DPP10: variants seen among roughly 807,000 people sequenced by gnomAD.
The protein encoded by DPP10 is inactive dipeptidyl peptidase 10.
DPP10 carries 33 observed loss-of-function variants against 120.9 expected under a neutral mutation model. The observed-to-expected ratio is 0.27, with a 90% CI of 0.21 to 0.37. The LOEUF is 0.37. Ranked by LOEUF, DPP10 falls within the 10% of genes least tolerant of loss-of-function variation. The pLI, the probability that DPP10 is intolerant of heterozygous loss-of-function variation, is 1.00. For synonymous variants in DPP10, 337 were observed against 326.1 expected (o/e 1.03, Z -0.36); for missense variants, 816 against 942.8 (o/e 0.87, Z 1.76).
intron 1 of DPP10, among the ~76,000 whole-genome samples, chr2:114,692,438 G>A (rs1245440306): frequency 1.3e-5 from 2 of 152,024 alleles, no homozygotes; most frequent in African/African-American, 4.8e-5. Context: ...TTGTGCTGCT[G>A]TCTAAGAGAC....
intron 1 of DPP10, among the ~76,000 whole-genome samples, chr2:115,087,021 C>G (rs911198624): frequency 6.6e-6 from 1 of 152,200 alleles, no homozygotes; most frequent in African/African-American, 2.4e-5. Context: ...GTGATATTTT[C>G]TAATTCCATG....
chr2:115,156,042 A>G (rs1282330511), intron 1 of DPP10, among the ~76,000 whole-genome samples: 2 of 152,232 alleles, frequency 1.3e-5, no homozygotes, highest in African/African-American at 4.8e-5. Context: ...CCAAAAAGAT[A>G]CAGATGTGTG....
chr2:114,780,630 A>C (rs979970843), intron 1 of DPP10, among the ~76,000 whole-genome samples: 4 of 152,098 alleles, frequency 2.6e-5, no homozygotes, highest in African/African-American at 7.2e-5. Context: ...ATGTAGATAC[A>C]ACATTCCTCA....
intron 2 of DPP10, among the ~76,000 whole-genome samples, chr2:115,314,251 C>T (rs148055887): frequency 4.6e-5 from 7 of 152,310 alleles, no homozygotes; most frequent in Middle Eastern, 3.4e-3. Context: ...ACTGTGTATA[C>T]TCCACAGTTC....
At chr2:114,572,136 A>G (rs1015347446) in intron 1 of DPP10, among the ~76,000 whole-genome samples, 18 of 151,992 alleles carry the variant, frequency 1.2e-4, no homozygotes, top group African/African-American at 3.4e-4. Flanking sequence ...GGAAGAAAAT[A>G]AACATCATGA....
Position 115,092,605 on chromosome 2 carries a change from G to T in DPP10, c.61-216634G>T, listed in dbSNP as rs573812892. Among the ~76,000 whole-genome samples the T allele has an allele frequency of 9.2e-4, 139 of 151,776 alleles. 1 individual carries two copies. The highest frequency in any genetic ancestry group is 3.2e-3 in the African/African-American group (133 of 41,396). ...TTCAATATATATATATGAAAAGAGGGGACAAGATAAAATAAAAAAAGTAAC... is the reference window on the plus strand; with the variant it reads ...TTCAATATATATATATGAAAAGAGGTGACAAGATAAAATAAAAAAAGTAAC... On this transcript the variant is annotated intron_variant, in intron 1 of 25. Coordinates refer to ENST00000410059, the MANE Select transcript of DPP10 (RefSeq NM_020868.6).
intron 12 of DPP10, among the ~76,000 whole-genome samples, chr2:115,765,405 A>G (rs1680593419): frequency 6.6e-6 from 1 of 152,164 alleles, no homozygotes; most frequent in Admixed American, 6.6e-5. Context: ...ATATTCATCT[A>G]TTCACCAATT....
intron 21 of DPP10, among the ~76,000 whole-genome samples, chr2:115,835,166 A>G (rs1456019593): frequency 6.6e-6 from 1 of 151,970 alleles, no homozygotes; most frequent in Non-Finnish European, 1.5e-5. Flanking sequence ...AAACAAACAG[A>G]AGCTTAATAA....
In DPP10 at chr2:115,117,676, T is replaced by C. The variant is rs192901340; in HGVS notation, c.61-191563T>C. 1.1e-4 allele frequency among the ~76,000 whole-genome samples: 17 copies of C among 152,344 alleles called. 1 individual carries two copies. In the East Asian group the frequency reaches 2.3e-3, roughly 21 times the overall value. On this transcript the variant is annotated intron_variant, in intron 1 of 25. Transcript: ENST00000410059. Reference sequence around the variant, plus strand: ...CACTTTTGGAGTACTGACTTGTACATAGATTTCTGAAAACGCTTTGTAAGC... The same window carrying C: ...CACTTTTGGAGTACTGACTTGTACACAGATTTCTGAAAACGCTTTGTAAGC...
chr2:115,136,162 C>A (rs1160730598), intron 1 of DPP10, among the ~76,000 whole-genome samples: 1 of 62,218 alleles, frequency 1.6e-5, no homozygotes, highest in South Asian at 3.7e-4. Flanking sequence ...CTGGTTTATG[C>A]TGAAAAAAAA....
intron 1 of DPP10, among the ~76,000 whole-genome samples, chr2:115,069,266 C>G (rs988137021): frequency 3.3e-5 from 5 of 151,914 alleles, no homozygotes; most frequent in Non-Finnish European, 5.9e-5. Context: ...CTCCTTTGCT[C>G]AATCTATTCC....
At chr2:115,361,588 C>A (rs537970776) in intron 3 of DPP10, among the ~76,000 whole-genome samples, 2 of 152,274 alleles carry the variant, frequency 1.3e-5, no homozygotes, top group Non-Finnish European at 2.9e-5. Context: ...TGCTTACTCT[C>A]CAAGCAGTTC....
chr2:115,705,445 C>G (rs12991458), intron 7 of DPP10, among the ~76,000 whole-genome samples: 3 of 151,668 alleles, frequency 2.0e-5, no homozygotes, highest in Non-Finnish European at 4.4e-5. Context: ...GTGCCAAGCA[C>G]GTTCTGGGCT....
At chr2:114,894,107 A>G (rs1692772914) in intron 1 of DPP10, among the ~76,000 whole-genome samples, 1 of 152,188 alleles carries the variant, frequency 6.6e-6, no homozygotes, top group Admixed American at 6.5e-5. Context: ...TTATTTGACA[A>G]TAGCTGGTAT....
intron 1 of DPP10, among the ~76,000 whole-genome samples, chr2:115,242,524 C>T (rs1352003725): frequency 6.6e-6 from 1 of 152,080 alleles, no homozygotes; most frequent in Admixed American, 6.6e-5. Context: ...GGGTAGATAC[C>T]CAACAGTGTG....
chr2:115,465,610 G>A (rs1342735807), intron 3 of DPP10, among the ~76,000 whole-genome samples: 1 of 152,178 alleles, frequency 6.6e-6, no homozygotes, highest in African/African-American at 2.4e-5. Flanking sequence ...ATCACCTGAG[G>A]TCAGGAGTTC....
At chr2:115,114,415 C>T (rs1164815841) in intron 1 of DPP10, among the ~76,000 whole-genome samples, 1 of 152,092 alleles carries the variant, frequency 6.6e-6, no homozygotes, top group Non-Finnish European at 1.5e-5. Flanking sequence ...CTAGTCATGC[C>T]CATTCAAGCA....
chr2:115,746,082 A>T lies in DPP10; in HGVS notation c.853-4A>T. The T allele has an allele frequency of 6.3e-7, 1 of 1,598,084 alleles. No homozygotes were observed. Among genetic ancestry groups the T allele is most frequent in the Admixed American group, 1.8e-5 (1 of 55,690 alleles). Reference sequence around the variant, plus strand: ...CTTGCAATACAACTTTCATTTTCTCAAAGGCAGGTCAAGTGAACCCAACAA... The same window carrying T: ...CTTGCAATACAACTTTCATTTTCTCTAAGGCAGGTCAAGTGAACCCAACAA... On this transcript the variant is annotated splice_polypyrimidine_tract_variant and splice_region_variant and intron_variant, in intron 9 of 25. Coordinates refer to ENST00000410059, the MANE Select transcript of DPP10 (RefSeq NM_020868.6).
chr2:115,400,685 AAAC>A (rs145681613), intron 3 of DPP10, among the ~76,000 whole-genome samples: 2,514 of 152,286 alleles, frequency 0.017, 69 homozygotes, highest in African/African-American at 0.056. Context: ...AAAAAAATAG[AAAC>A]AACATTTCAA....
Sources: allele counts gnomAD v4.1 joint callset (sites outside exome capture counted in the v4.1 genomes callset), GRCh38; gene constraint gnomAD v4.1.1; transcripts MANE v1.5; gene names NCBI Gene and HGNC (gene_info 2026-07-23, HGNC 2026-07-21).